Variants in ZFP82 observed in about 807,000 individuals in gnomAD.
ZFP82 encodes the protein zinc finger protein 82 homolog.
Under a neutral mutation model 54.0 loss-of-function variants are expected in ZFP82, and 30 were observed. That is an observed-to-expected ratio of 0.56 (90% CI 0.42 to 0.75). The LOEUF (loss-of-function observed/expected upper bound fraction) is 0.75. Among genes scored for constraint, ZFP82 ranks in the 30% least tolerant of loss-of-function variants. The probability of loss-of-function intolerance (pLI) is 0.00; values close to 1 mark genes in which losing one functional copy is unlikely to be tolerated. For synonymous variants in ZFP82, 194 were observed against 209.5 expected (o/e 0.93, Z 0.64); for missense variants, 500 against 636.8 (o/e 0.79, Z 2.31).
exon 2 of ZFP82, chr19:36,383,325 A>T (rs2032080339): frequency 6.6e-6 from 1 of 152,200 alleles, no homozygotes; most frequent in Non-Finnish European, 1.5e-5. Context: ...CTACAGTACA[A>T]CTTGTCACAT....
intron 4 of ZFP82, chr19:36,394,649 T>C (rs1386828366): frequency 6.5e-6 from 1 of 154,220 alleles, no homozygotes; most frequent in Non-Finnish European, 1.4e-5. Context: ...ATGTCCTAAC[T>C]TACTTCCATC....
chr19:36,406,350 G>T (rs1191138633), intron 3 of ZFP82, among the ~76,000 whole-genome samples: 1 of 152,094 alleles, frequency 6.6e-6, no homozygotes, highest in Non-Finnish European at 1.5e-5. Flanking sequence ...CCCAAACTTA[G>T]AATATTTCCG....
chr19:36,406,492 T>C (rs908486675), intron 3 of ZFP82, among the ~76,000 whole-genome samples: 1 of 152,224 alleles, frequency 6.6e-6, no homozygotes, highest in African/African-American at 2.4e-5. Context: ...AATAGAATCA[T>C]ATAATATGTA....
chr19:36,405,778 G>T lies in ZFP82; in HGVS notation c.137-106C>A, dbSNP rs114189513. The T allele has an allele frequency of 1.5e-3, 934 of 626,798 alleles. 8 individuals carry two copies. In the African/African-American group the frequency reaches 0.015, roughly 10 times the overall value. 38.8% of individuals were successfully genotyped at this position (626,798 alleles called of 1,614,324 possible). Reference sequence around the variant, plus strand: ...ATATGTCAAAACAGTAATTAATAAGGCAAAACAAATAAGTGAAAGATGTTT... The same window carrying T: ...ATATGTCAAAACAGTAATTAATAAGTCAAAACAAATAAGTGAAAGATGTTT... On this transcript the variant is annotated intron_variant, in intron 3 of 4. Coordinates refer to ENST00000392161, the MANE Select transcript of ZFP82 (RefSeq NM_133466.4).
intron 1 of ZFP82, among the ~76,000 whole-genome samples, chr19:36,414,010 T>C (rs1280092646): frequency 6.7e-6 from 1 of 150,284 alleles, no homozygotes; most frequent in Non-Finnish European, 1.5e-5. Context: ...AGGCCAATCG[T>C]CTGCCTCAGC....
At chr19:36,399,679 T>C (rs1353003516) in intron 4 of ZFP82, among the ~76,000 whole-genome samples, 1 of 152,160 alleles carries the variant, frequency 6.6e-6, no homozygotes, top group Non-Finnish European at 1.5e-5. Flanking sequence ...AATTCATGAG[T>C]GTAAACTCAT....
intron 4 of ZFP82, among the ~76,000 whole-genome samples, chr19:36,399,932 G>T (rs2145585942): frequency 6.6e-6 from 1 of 152,282 alleles, no homozygotes; most frequent in East Asian, 1.9e-4. Context: ...TTATGTGTGT[G>T]ATTTAGAGGA....
rs960145702 is a variant in ZFP82 at position 36,392,432 on chromosome 19, G to A, written c.*309C>T. ...TTGATTGAAAGTGTGTCAAACTGCT[G>A]CACTCTTATATGACCATGTCATAAA... is the stretch of plus-strand genomic sequence containing the variant. On this transcript the variant is annotated 3_prime_UTR_variant, in exon 5 of 5. Coordinates refer to ENST00000392161, the MANE Select transcript of ZFP82 (RefSeq NM_133466.4). 6 of 233,820 alleles carry A rather than the reference G, an allele frequency of 2.6e-5. No homozygotes were observed. Among genetic ancestry groups the A allele is most frequent in the Admixed American group, 2.5e-4 (5 of 20,128 alleles). The allele number at this position is 233,820 out of a possible 1,614,324, so 14.5% of individuals were successfully genotyped here.
intron 4 of ZFP82, among the ~76,000 whole-genome samples, chr19:36,399,202 T>G (rs528491546): frequency 6.6e-6 from 1 of 152,322 alleles, no homozygotes; most frequent in South Asian, 2.1e-4. Flanking sequence ...ATGGATAACC[T>G]TTATGAGGAA....
rs539169356 is a variant in ZFP82 at position 36,393,841 on chromosome 19, C to T, written c.499G>A (p.Asp167Asn). Reference sequence around the variant, plus strand: ...CATTCCTTACATTCATAGGGTTTATCAACAAAATGAAGTCTCTGATGTGGA... The same window carrying T: ...CATTCCTTACATTCATAGGGTTTATTAACAAAATGAAGTCTCTGATGTGGA... ...VTPHQRLHFV[D>N]KPYECKECGK... Residue 167 changes from aspartate to asparagine, a missense_variant, in exon 5 of 5, where the codon GAT becomes AAT. Transcript: ENST00000392161. The T allele has an allele frequency of 1.2e-6, 2 of 1,614,178 alleles. No homozygotes were observed. Among genetic ancestry groups the T allele is most frequent in the South Asian group, 2.2e-5 (2 of 91,076 alleles).
rs749548444 is a variant in ZFP82 at position 36,405,671 on chromosome 19, T to C, written c.138A>G (p.Gly46=). The change falls in exon 4 of 5, where the codon GGA becomes GGG. Residue 46 remains glycine (G), a splice_region_variant and synonymous_variant. Coordinates refer to ENST00000392161, the MANE Select transcript of ZFP82 (RefSeq NM_133466.4). ...LENYSNLVSL[G]CFISKPDVIS... ...TCACATCTGGTTTAGAAATGAAGCA[T>C]CCTGCTTAGAAGAAAAGGAATATAA... 5 of 1,595,244 alleles carry C rather than the reference T, an allele frequency of 3.1e-6. No homozygotes were observed. The African/African-American group carries it at 5.4e-5, about 17-fold the overall frequency.
At chr19:36,400,593 C>G (rs575389270) in intron 4 of ZFP82, among the ~76,000 whole-genome samples, 1 of 152,158 alleles carries the variant, frequency 6.6e-6, no homozygotes, top group East Asian at 1.9e-4. Context: ...CCTGAGCAAC[C>G]TACCTGCACA....
chr19:36,401,931 C>T (rs2945957), intron 4 of ZFP82, among the ~76,000 whole-genome samples: 103,323 of 152,066 alleles, frequency 0.68, 35,387 homozygotes, highest in African/African-American at 0.76. Context: ...AGAAAGTCAT[C>T]TGTCCACTTT....
intron 3 of ZFP82, among the ~76,000 whole-genome samples, chr19:36,406,215 TA>T (rs1424029675): frequency 6.6e-5 from 10 of 152,318 alleles, no homozygotes. Context: ...AATGTTAAAT[TA>T]AATGTAAAGT....
At chr19:36,398,638 A>G (rs886150284) in intron 4 of ZFP82, among the ~76,000 whole-genome samples, 2 of 152,080 alleles carry the variant, frequency 1.3e-5, no homozygotes, top group Admixed American at 1.3e-4. Context: ...TCACACAATC[A>G]ATTCCATAGA....
At chr19:36,397,800 C>T in intron 4 of ZFP82, among the ~76,000 whole-genome samples, 1 of 151,962 alleles carries the variant, frequency 6.6e-6, no homozygotes, top group East Asian at 1.9e-4. Flanking sequence ...CTTGGCCAGG[C>T]TGGTCTTGAA....
chr19:36,402,909 C>T (rs951019314), intron 4 of ZFP82, among the ~76,000 whole-genome samples: 11 of 151,670 alleles, frequency 7.3e-5, no homozygotes, highest in African/African-American at 2.7e-4. Context: ...GAGGCTGAGG[C>T]GGGCAGATCA....
intron 4 of ZFP82, among the ~76,000 whole-genome samples, chr19:36,402,869 T>C (rs1301982091): frequency 1.3e-5 from 2 of 152,008 alleles, no homozygotes; most frequent in Non-Finnish European, 2.9e-5. Context: ...CCAGGCGCGG[T>C]GGCTCACGCC....
chr19:36,389,973 A>G lies in ZFP82; in HGVS notation c.*2768T>C, dbSNP rs1393329958. ...CCCCTAGATCCCAGAGACCAACAAAATTACTCAAACTATTCAATCCTAAGC... is the reference window on the plus strand; with the variant it reads ...CCCCTAGATCCCAGAGACCAACAAAGTTACTCAAACTATTCAATCCTAAGC... On this transcript the variant is annotated 3_prime_UTR_variant, in exon 5 of 5. Coordinates refer to ENST00000392161, the MANE Select transcript of ZFP82 (RefSeq NM_133466.4). Among the ~76,000 whole-genome samples the G allele has an allele frequency of 6.6e-6, 1 of 152,058 alleles. No individual in the cohort carries two copies. Among genetic ancestry groups the G allele is most frequent in the Non-Finnish European group, 1.5e-5 (1 of 68,016 alleles).
Sources: allele counts gnomAD v4.1 joint callset (sites outside exome capture counted in the v4.1 genomes callset), GRCh38; gene constraint gnomAD v4.1.1; transcripts MANE v1.5; gene names NCBI Gene and HGNC (gene_info 2026-07-23, HGNC 2026-07-21).